NELL2: variants seen among roughly 807,000 people sequenced by gnomAD.
The protein encoded by NELL2 is protein kinase C-binding protein NELL2.
NELL2 carries 41 observed loss-of-function variants against 109.6 expected under a neutral mutation model. The ratio of observed to expected loss-of-function variants is 0.37; its 90% CI spans 0.29 to 0.49. The LOEUF is 0.49. Ranked by LOEUF, NELL2 falls within the 20% of genes least tolerant of loss-of-function variation. The probability of loss-of-function intolerance (pLI) is 0.98; values close to 1 mark genes in which losing one functional copy is unlikely to be tolerated. For missense variants in NELL2, 900 were observed against 1,008.3 expected (o/e 0.89, Z 1.45); for synonymous variants, 355 against 344.7 (o/e 1.03, Z -0.33).
At chr12:44,805,519 C>G (rs1942969565) in intron 3 of NELL2, among the ~76,000 whole-genome samples, 1 of 151,836 alleles carries the variant, frequency 6.6e-6, no homozygotes, top group Non-Finnish European at 1.5e-5. Flanking sequence ...GGGCCACCAG[C>G]TTCATTGTGT....
chr12:44,595,501 A>G (rs368989580), intron 15 of NELL2, among the ~76,000 whole-genome samples: 1 of 152,074 alleles, frequency 6.6e-6, no homozygotes, highest in East Asian at 1.9e-4. Context: ...AACTCGGCTC[A>G]CTGCAAGCTC....
At chr12:44,644,404 G>A (rs1490279217) in intron 13 of NELL2, among the ~76,000 whole-genome samples, 2 of 151,294 alleles carry the variant, frequency 1.3e-5, no homozygotes, top group Non-Finnish European at 2.9e-5. Context: ...CTATTTAAAA[G>A]GTATGCCCTA....
chr12:44,555,965 G>A (rs1565918717), intron 15 of NELL2, among the ~76,000 whole-genome samples: 1 of 152,186 alleles, frequency 6.6e-6, no homozygotes, highest in Non-Finnish European at 1.5e-5. Flanking sequence ...TACCCAAGGT[G>A]CATGCTGCCT....
chr12:44,778,813 T>C (rs983785852), intron 5 of NELL2, among the ~76,000 whole-genome samples: 1 of 152,220 alleles, frequency 6.6e-6, no homozygotes. Flanking sequence ...TGGAATCATA[T>C]ATTTCAAGTA....
intron 13 of NELL2, among the ~76,000 whole-genome samples, chr12:44,645,470 T>G (rs748812598): frequency 1.3e-5 from 2 of 152,128 alleles, no homozygotes; most frequent in African/African-American, 4.8e-5. Context: ...ATAAGTTGGG[T>G]GTCCAGAATG....
chr12:44,854,177 G>A (rs1022246509), intron 2 of NELL2, among the ~76,000 whole-genome samples: 44 of 152,296 alleles, frequency 2.9e-4, no homozygotes, highest in African/African-American at 1.0e-3. Flanking sequence ...GTGTTAGACT[G>A]TACAGATATA....
chr12:44,853,138 T>C (rs886267672), intron 2 of NELL2, among the ~76,000 whole-genome samples: 1 of 152,172 alleles, frequency 6.6e-6, no homozygotes, highest in African/African-American at 2.4e-5. Context: ...TTCAAATATG[T>C]CTTCATTTTA....
At chr12:44,686,695 C>A (rs1038007858) in intron 12 of NELL2, among the ~76,000 whole-genome samples, 2 of 152,090 alleles carry the variant, frequency 1.3e-5, no homozygotes, top group African/African-American at 4.8e-5. Flanking sequence ...CAGTCTGCCC[C>A]TGCTGGGGGG....
At chr12:44,864,477 A>G (rs1944931801) in intron 2 of NELL2, among the ~76,000 whole-genome samples, 1 of 152,218 alleles carries the variant, frequency 6.6e-6, no homozygotes, top group African/African-American at 2.4e-5. Flanking sequence ...CAGACAAAGT[A>G]CATTATATAA....
chr12:44,568,819 T>C (rs1429262987), intron 15 of NELL2, among the ~76,000 whole-genome samples: 3 of 152,148 alleles, frequency 2.0e-5, no homozygotes, highest in Admixed American at 6.5e-5. Context: ...GTAATATAGT[T>C]AGGCTTTTAA....
chr12:44,879,769 T>C (rs1316606514), upstream of NELL2, among the ~76,000 whole-genome samples: 1 of 151,976 alleles, frequency 6.6e-6, no homozygotes, highest in Non-Finnish European at 1.5e-5. Flanking sequence ...AAAAAGAAAC[T>C]TTTGAAACTT....
chr12:44,821,488 G>A (rs1456517229), intron 2 of NELL2, among the ~76,000 whole-genome samples: 2 of 152,194 alleles, frequency 1.3e-5, no homozygotes, highest in Non-Finnish European at 2.9e-5. Context: ...TAGGTGAGTA[G>A]TGATTTTAAG....
chr12:44,838,532 G>A (rs1287812597), intron 2 of NELL2, among the ~76,000 whole-genome samples: 1 of 152,016 alleles, frequency 6.6e-6, no homozygotes, highest in Non-Finnish European at 1.5e-5. Context: ...TCTGTAAAAT[G>A]GGAACAATAA....
At chr12:44,532,453 C>A in intron 16 of NELL2, 128 bp downstream of exon 16, 1 of 787,952 alleles carries the variant, frequency 1.3e-6, no homozygotes, top group South Asian at 4.4e-5. Flanking sequence ...AACACATTTC[C>A]AATCACTGTT....
At chr12:44,872,040 T>G (rs1335333427) in intron 2 of NELL2, among the ~76,000 whole-genome samples, 3 of 152,136 alleles carry the variant, frequency 2.0e-5, no homozygotes, top group Non-Finnish European at 4.4e-5. Flanking sequence ...CCTAGAATGG[T>G]GCTTCTGTAT....
intron 15 of NELL2, among the ~76,000 whole-genome samples, chr12:44,561,679 CA>C (rs1249293614): frequency 6.6e-6 from 1 of 152,104 alleles, no homozygotes; most frequent in African/African-American, 2.4e-5. Context: ...AGGACACAAA[CA>C]AAGGTAAAAA....
chr12:44,658,430 A>G (rs969840569), intron 13 of NELL2, among the ~76,000 whole-genome samples: 1 of 152,184 alleles, frequency 6.6e-6, no homozygotes, highest in Admixed American at 6.5e-5. Context: ...ACCACTGCTT[A>G]AGGAAATAAG....
At chr12:44,761,421 T>C (rs1018431483) in intron 9 of NELL2, among the ~76,000 whole-genome samples, 11 of 152,176 alleles carry the variant, frequency 7.2e-5, no homozygotes, top group African/African-American at 2.4e-4. Context: ...GTTTATACAT[T>C]GTTAGTGGGA....
chr12:44,733,514 C>A (rs1359956826), intron 9 of NELL2, among the ~76,000 whole-genome samples: 1 of 151,752 alleles, frequency 6.6e-6, no homozygotes, highest in African/African-American at 2.4e-5. Flanking sequence ...GGGTCAAAAT[C>A]ATCCAAGCAG....
Sources: allele counts gnomAD v4.1 joint callset (sites outside exome capture counted in the v4.1 genomes callset), GRCh38; gene constraint gnomAD v4.1.1; transcripts MANE v1.5; gene names NCBI Gene and HGNC (gene_info 2026-07-23, HGNC 2026-07-21).